UTRN: variants seen among roughly 807,000 people sequenced by gnomAD.
UTRN encodes the protein utrophin.
In UTRN, 283 loss-of-function variants were observed where a neutral mutation model predicts 463.9. The ratio of observed to expected loss-of-function variants is 0.61; its 90% CI spans 0.55 to 0.67. UTRN has a LOEUF of 0.67. UTRN is among the 30% of genes least tolerant of loss of function. UTRN has a pLI of 0.00. For synonymous variants in UTRN, 1,442 were observed against 1,431.5 expected (o/e 1.01, Z -0.17); for missense variants, 3,922 against 4,084.3 (o/e 0.96, Z 1.08).
intron 2 of UTRN, among the ~76,000 whole-genome samples, 160 bp downstream of exon 2, chr6:144,292,067 T>C (rs1455284732): frequency 6.6e-6 from 1 of 152,244 alleles, no homozygotes; most frequent in Non-Finnish European, 1.5e-5. Context: ...AAAAGGTATA[T>C]GTAAAAGGTA....
intron 53 of UTRN, among the ~76,000 whole-genome samples, chr6:144,730,144 G>T (rs1395946746): frequency 6.6e-6 from 1 of 151,948 alleles, no homozygotes; most frequent in Non-Finnish European, 1.5e-5. Flanking sequence ...TTCTTTTTTT[G>T]TATACTTAAC....
At chr6:144,547,791 T>G (rs978668461) in intron 46 of UTRN, among the ~76,000 whole-genome samples, 4 of 152,280 alleles carry the variant, frequency 2.6e-5, no homozygotes, top group South Asian at 2.1e-4. Context: ...AATTTGACTG[T>G]TTTTTGTCCT....
chr6:144,818,430 C>G (rs1204154440), intron 65 of UTRN, among the ~76,000 whole-genome samples: 1 of 152,114 alleles, frequency 6.6e-6, no homozygotes, highest in African/African-American at 2.4e-5. Flanking sequence ...GGCCTGATGC[C>G]TTGCCCACCT....
intron 52 of UTRN, among the ~76,000 whole-genome samples, chr6:144,691,194 A>G (rs1783370440): frequency 1.3e-5 from 2 of 152,148 alleles, no homozygotes; most frequent in South Asian, 4.1e-4. Flanking sequence ...TTGGCTCACT[A>G]CAACCTCCAT....
At chr6:144,452,528 T>C (rs936423479) in intron 18 of UTRN, among the ~76,000 whole-genome samples, 1 of 152,176 alleles carries the variant, frequency 6.6e-6, no homozygotes, top group African/African-American at 2.4e-5. Flanking sequence ...GTTGTGTTTT[T>C]GTGTGTATAC....
intron 51 of UTRN, 121 bp from the exon 52 acceptor site, chr6:144,678,285 A>G: frequency 1.1e-6 from 1 of 913,214 alleles, no homozygotes; most frequent in Non-Finnish European, 1.6e-6. Context: ...TTTTGGAAGC[A>G]CTTGAATTTC....
At chr6:144,376,618 A>G (rs954235941) in intron 2 of UTRN, among the ~76,000 whole-genome samples, 5 of 151,992 alleles carry the variant, frequency 3.3e-5, no homozygotes, top group African/African-American at 1.2e-4. Flanking sequence ...TTCTGATTTG[A>G]ATTTTTCTAG....
At chr6:144,348,312 G>A (rs2114649788) in intron 2 of UTRN, among the ~76,000 whole-genome samples, 1 of 152,336 alleles carries the variant, frequency 6.6e-6, no homozygotes, top group East Asian at 1.9e-4. Flanking sequence ...CCCCGTGGAG[G>A]TTAGGACCTG....
intron 48 of UTRN, 27 bp from the exon 49 acceptor site, chr6:144,554,661 T>G (rs1562566388): frequency 6.2e-7 from 1 of 1,610,118 alleles, no homozygotes; most frequent in Non-Finnish European, 8.5e-7. Flanking sequence ...GTTGGGATTT[T>G]TTTTTCTTTT....
intron 46 of UTRN, among the ~76,000 whole-genome samples, chr6:144,548,021 G>A (rs1210149902): frequency 2.0e-5 from 3 of 151,952 alleles, no homozygotes; most frequent in South Asian, 2.1e-4. Flanking sequence ...AATCAATTTG[G>A]CAATGAATAT....
intron 22 of UTRN, among the ~76,000 whole-genome samples, chr6:144,461,922 CTTTTA>C (rs1033899723): frequency 2.0e-5 from 3 of 151,968 alleles, no homozygotes; most frequent in South Asian, 2.1e-4. Flanking sequence ...TGATTTCCAA[CTTTTA>C]TTTTAAGTTC....
chr6:144,836,163 C>A (rs948181485), intron 70 of UTRN, 138 bp from the exon 71 acceptor site: 48 of 1,462,738 alleles, frequency 3.3e-5, no homozygotes, highest in Non-Finnish European at 4.1e-5. Context: ...AATTTTATTC[C>A]TGCATGCTCA....
intron 51 of UTRN, among the ~76,000 whole-genome samples, chr6:144,586,329 A>G (rs1409194715): frequency 6.6e-6 from 1 of 152,112 alleles, no homozygotes; most frequent in African/African-American, 2.4e-5. Flanking sequence ...TCGGTTATAC[A>G]TCCAATAAAA....
intron 58 of UTRN, among the ~76,000 whole-genome samples, chr6:144,759,361 T>C (rs918518007): frequency 2.6e-5 from 4 of 152,154 alleles, no homozygotes; most frequent in African/African-American, 9.7e-5. Context: ...TTGTACACTA[T>C]AACAATAATA....
intron 2 of UTRN, among the ~76,000 whole-genome samples, chr6:144,372,285 C>T (rs961667588): frequency 2.6e-5 from 4 of 152,240 alleles, no homozygotes; most frequent in Non-Finnish European, 4.4e-5. Flanking sequence ...TTGGACTCTG[C>T]TCCAGTTCTT....
intron 2 of UTRN, among the ~76,000 whole-genome samples, chr6:144,314,399 C>T (rs1394008797): frequency 2.0e-5 from 3 of 152,196 alleles, no homozygotes; most frequent in African/African-American, 4.8e-5. Context: ...CTGACCTCTT[C>T]AGGGCGGAGC....
intron 50 of UTRN, among the ~76,000 whole-genome samples, chr6:144,574,744 G>T (rs868000425): frequency 6.6e-6 from 1 of 152,102 alleles, no homozygotes. Context: ...ACCATGCCCA[G>T]CTAATTTTTG....
chr6:144,673,213 G>T (rs1562743377), intron 51 of UTRN, among the ~76,000 whole-genome samples: 1 of 152,078 alleles, frequency 6.6e-6, no homozygotes, highest in Non-Finnish European at 1.5e-5. Flanking sequence ...TATAGTTTAA[G>T]TTCATTGTTT....
At chr6:144,296,116 C>T (rs1445886822) in intron 2 of UTRN, among the ~76,000 whole-genome samples, 1 of 152,172 alleles carries the variant, frequency 6.6e-6, no homozygotes, top group Non-Finnish European at 1.5e-5. Flanking sequence ...AATAGCCTTC[C>T]CACTAGAACA....
Sources: allele counts gnomAD v4.1 joint callset (sites outside exome capture counted in the v4.1 genomes callset), GRCh38; gene constraint gnomAD v4.1.1; transcripts MANE v1.5; gene names NCBI Gene and HGNC (gene_info 2026-07-23, HGNC 2026-07-21).